Variants in PUDP observed in about 807,000 individuals in gnomAD.
PUDP encodes the protein pseudouridine-5'-phosphatase.
A neutral mutation model predicts 9.4 loss-of-function variants in PUDP; 8 were observed. The ratio of observed to expected loss-of-function variants is 0.85; its 90% CI spans 0.50 to 1.53. PUDP has a LOEUF of 1.53. Among genes scored for constraint, PUDP ranks in the 40% most tolerant of loss-of-function variants. PUDP has a pLI of 0.00. For synonymous variants in PUDP, 99 were observed against 80.7 expected (o/e 1.23, Z -1.22); for missense variants, 188 against 189.7 (o/e 0.99, Z 0.05).
intron 1 of PUDP, among the ~76,000 whole-genome samples, chrX:6,981,167 G>A (rs1261181452): frequency 2.7e-5 from 3 of 111,781 alleles, no homozygotes; most frequent in African/African-American, 9.8e-5. Flanking sequence ...AAATATTGAT[G>A]GATAAGATGA....
chrX:6,724,762 T>C (rs1924720213), upstream of PUDP, among the ~76,000 whole-genome samples: 1 of 111,467 alleles, frequency 9.0e-6, no homozygotes, highest in Admixed American at 9.6e-5. Flanking sequence ...CGGTTAAATC[T>C]TGGAGAAATA....
At chrX:6,969,089 AG>A (rs1429047698) in intron 3 of PUDP, among the ~76,000 whole-genome samples, 2 of 112,296 alleles carry the variant, frequency 1.8e-5, no homozygotes, top group Non-Finnish European at 3.8e-5. Context: ...CCCCACAGAC[AG>A]GGGGCCAAGC....
At chrX:6,965,809 T>C (rs1439661036) in intron 3 of PUDP, among the ~76,000 whole-genome samples, 1 of 111,868 alleles carries the variant, frequency 8.9e-6, no homozygotes, top group Non-Finnish European at 1.9e-5. Flanking sequence ...TAAAAACCTA[T>C]GCAGCTATAA....
intron 3 of PUDP, among the ~76,000 whole-genome samples, chrX:6,740,003 C>T (rs1305197833): frequency 9.0e-6 from 1 of 111,351 alleles, no homozygotes; most frequent in Non-Finnish European, 1.9e-5. Context: ...CGCAGAATGT[C>T]TCTGTCATGT....
chrX:6,809,961 T>G, intron 3 of PUDP, among the ~76,000 whole-genome samples: 1 of 110,489 alleles, frequency 9.1e-6, no homozygotes, highest in Non-Finnish European at 1.9e-5. Flanking sequence ...GCACCTGTGG[T>G]CCCAGCTACT....
At chrX:6,843,956 C>A (rs1926707495) in intron 3 of PUDP, among the ~76,000 whole-genome samples, 1 of 112,630 alleles carries the variant, frequency 8.9e-6, no homozygotes, top group East Asian at 2.8e-4. Context: ...GTTTTAAGTC[C>A]AGAGAGGATC....
At chrX:6,912,655 T>C (rs139541604) in intron 3 of PUDP, among the ~76,000 whole-genome samples, 2,207 of 112,148 alleles carry the variant, frequency 0.02, 59 homozygotes, top group African/African-American at 0.068. Flanking sequence ...TCCTGTTCAT[T>C]TTCTCTTTCT....
At chrX:7,010,842 G>A (rs1334917796) in intron 1 of PUDP, among the ~76,000 whole-genome samples, 2 of 111,850 alleles carry the variant, frequency 1.8e-5, no homozygotes, top group Admixed American at 9.4e-5. Flanking sequence ...CATGGGTACA[G>A]GATGACAGTT....
chrX:6,747,854 A>AT (rs1925019282), intron 3 of PUDP, among the ~76,000 whole-genome samples: 1 of 112,142 alleles, frequency 8.9e-6, no homozygotes, highest in African/African-American at 3.2e-5. Context: ...ATGCGTCTTT[A>AT]TTTTTAGACT....
intron 3 of PUDP, among the ~76,000 whole-genome samples, chrX:6,828,980 T>G (rs957728953): frequency 9.0e-6 from 1 of 110,868 alleles, no homozygotes; most frequent in Non-Finnish European, 1.9e-5. Context: ...AAAATTCCTG[T>G]GTCAAAATCG....
rs183616155 is a variant in PUDP, at chrX:6,850,329, C to T, written c.*247+126804G>A. Among the ~76,000 whole-genome samples, 995 of 111,956 alleles carry T rather than the reference C, an allele frequency of 8.9e-3. 6 individuals are homozygous for T. The highest frequency in any genetic ancestry group is 0.013 in the Admixed American group (138 of 10,508). ...GGGCAAGGAAGCTTTGCTGCAGCTA[C>T]ATTTATTTTAAAAAATAGGATTGAT... On this transcript the variant is annotated intron_variant and NMD_transcript_variant, in intron 3 of 3. Coordinates refer to the PUDP transcript ENST00000655425.
chrX:6,766,547 C>T (rs1192310690), intron 3 of PUDP, among the ~76,000 whole-genome samples: 1 of 111,698 alleles, frequency 9.0e-6, no homozygotes, highest in African/African-American at 3.3e-5. Context: ...TATTATATAG[C>T]ATCTAGAGAA....
intron 3 of PUDP, among the ~76,000 whole-genome samples, chrX:7,056,798 C>G (rs1166732968): frequency 1.8e-5 from 2 of 112,127 alleles, no homozygotes; most frequent in Non-Finnish European, 3.8e-5. Flanking sequence ...AATGCAGCAT[C>G]TCCTCTGCTT....
intron 3 of PUDP, among the ~76,000 whole-genome samples, chrX:6,770,601 A>G (rs1307799925): frequency 9.0e-6 from 1 of 111,413 alleles, no homozygotes; most frequent in Non-Finnish European, 1.9e-5. Context: ...TCTAATGCAA[A>G]CTAACCTGTA....
chrX:7,054,842 T>A (rs1414228712), intron 3 of PUDP, among the ~76,000 whole-genome samples: 1 of 112,041 alleles, frequency 8.9e-6, no homozygotes, highest in African/African-American at 3.3e-5. Context: ...AACCTGAAGT[T>A]TCAAAAGCTG....
chrX:6,994,021 T>C (rs745873184), intron 1 of PUDP, among the ~76,000 whole-genome samples: 1 of 112,758 alleles, frequency 8.9e-6, no homozygotes, highest in Non-Finnish European at 1.9e-5. Context: ...ATTGAGTCCA[T>C]CAGAAATAAA....
intron 3 of PUDP, among the ~76,000 whole-genome samples, chrX:6,969,196 T>C (rs1005735013): frequency 2.7e-5 from 3 of 112,375 alleles, no homozygotes; most frequent in East Asian, 2.8e-4. Flanking sequence ...AGATGTCCTA[T>C]GACAAACCTT....
chrX:6,873,385 AT>A (rs1183791224), intron 3 of PUDP, among the ~76,000 whole-genome samples: 5 of 112,038 alleles, frequency 4.5e-5, no homozygotes, highest in Non-Finnish European at 9.4e-5. Flanking sequence ...CTAGATTCAC[AT>A]TGAGTAAACA....
intron 3 of PUDP, among the ~76,000 whole-genome samples, chrX:6,738,937 C>T (rs1924905007): frequency 9.0e-6 from 1 of 111,301 alleles, no homozygotes; most frequent in African/African-American, 3.3e-5. Flanking sequence ...AATTGAAGGT[C>T]GCATGGGAAG....
Sources: allele counts gnomAD v4.1 joint callset (sites outside exome capture counted in the v4.1 genomes callset), GRCh38; gene constraint gnomAD v4.1.1; transcripts MANE v1.5; gene names NCBI Gene and HGNC (gene_info 2026-07-23, HGNC 2026-07-21).